The following MAGI1 variants were observed in gnomAD, a reference collection of about 807,000 sequenced individuals.
MAGI1 encodes membrane-associated guanylate kinase, WW and PDZ domain-containing protein 1.
MAGI1 carries 58 observed loss-of-function variants against 139.9 expected under a neutral mutation model. That is an observed-to-expected ratio of 0.41 (90% CI 0.34 to 0.52). The LOEUF (loss-of-function observed/expected upper bound fraction) is 0.52. Ranked by LOEUF, MAGI1 falls within the 20% of genes least tolerant of loss-of-function variation. The probability of loss-of-function intolerance (pLI) is 0.12; values close to 1 mark genes in which losing one functional copy is unlikely to be tolerated. For synonymous variants in MAGI1, 812 were observed against 737.9 expected, an observed-to-expected ratio of 1.10 and a Z score of -1.63; for missense variants, 1,874 against 1,901.6, an observed-to-expected ratio of 0.99 and a Z score of 0.27.
intron 1 of MAGI1, chr3:65,687,392 C>G (rs2088146708): frequency 2.9e-6 from 1 of 348,598 alleles, no homozygotes; most frequent in Admixed American, 3.5e-5. Context: ...ACCACATATC[C>G]CGTTTGATTT....
chr3:65,590,193 T>C (rs752125252), intron 2 of MAGI1, among the ~76,000 whole-genome samples: 2 of 152,162 alleles, frequency 1.3e-5, no homozygotes, highest in Non-Finnish European at 2.9e-5. Flanking sequence ...CCCCAGCACC[T>C]TGACATACTT....
intron 2 of MAGI1, among the ~76,000 whole-genome samples, chr3:65,541,508 T>C (rs2079223725): frequency 6.6e-6 from 1 of 152,180 alleles, no homozygotes; most frequent in Admixed American, 6.5e-5. Flanking sequence ...TGAACATTGA[T>C]GCGAAATCCT....
Position 65,488,300 on chromosome 3 carries a change from C to T in MAGI1, c.550+5212G>A, listed in dbSNP as rs1434579019. On this transcript the variant is annotated intron_variant, in intron 3 of 22. Transcript: ENST00000402939. ...AAGCTTTCTATAAGCTTCTGGAGCGCTGTGTAGTTTCTCTCAAAACACTCA... is the reference window on the plus strand; with the variant it reads ...AAGCTTTCTATAAGCTTCTGGAGCGTTGTGTAGTTTCTCTCAAAACACTCA... 2.0e-5 allele frequency among the ~76,000 whole-genome samples: 3 copies of T among 152,150 alleles called. No homozygotes were observed. In the East Asian group the frequency reaches 5.8e-4, roughly 29 times the overall value.
intron 1 of MAGI1, among the ~76,000 whole-genome samples, chr3:65,645,130 A>G (rs2085191254): frequency 6.6e-6 from 1 of 152,088 alleles, no homozygotes; most frequent in Non-Finnish European, 1.5e-5. Flanking sequence ...AGAAAGAAAG[A>G]GTTAAACATT....
chr3:65,731,678 AAAG>A (rs2034213541), intron 1 of MAGI1, among the ~76,000 whole-genome samples: 1 of 149,784 alleles, frequency 6.7e-6, no homozygotes, highest in African/African-American at 2.5e-5. Context: ...AAAAAAAAAA[AAAG>A]AAAGAAAGAA....
At chr3:66,005,971 G>A (rs988598581) in intron 1 of MAGI1, among the ~76,000 whole-genome samples, 1 of 152,138 alleles carries the variant, frequency 6.6e-6, no homozygotes, top group Non-Finnish European at 1.5e-5. Flanking sequence ...TGGGCCTCGA[G>A]TCAGTCACTT....
chr3:65,617,395 T>G lies in MAGI1; in HGVS notation c.430+4577A>C, dbSNP rs1442165490. Among the ~76,000 whole-genome samples, 3 of 152,172 alleles carry G rather than the reference T, an allele frequency of 2.0e-5. No homozygotes were observed. In the East Asian group the frequency reaches 5.8e-4, roughly 29 times the overall value. On this transcript the variant is annotated intron_variant, in intron 2 of 22. Transcript: ENST00000402939. ...GTATCTCGTTTTGACAGCAGCAGTA[T>G]AGTAAATGACAAGCCCTGTCAGGTA...
intron 4 of MAGI1, among the ~76,000 whole-genome samples, chr3:65,471,366 C>G (rs9854047): frequency 0.28 from 43,185 of 152,064 alleles, 7,086 homozygotes; most frequent in African/African-American, 0.45. Context: ...GAATTTCTAT[C>G]TCCCACAGTA....
intron 2 of MAGI1, among the ~76,000 whole-genome samples, chr3:65,570,008 T>C (rs1006360747): frequency 4.0e-5 from 6 of 150,884 alleles, no homozygotes; most frequent in African/African-American, 1.5e-4. Context: ...TGAGAGGTAG[T>C]ATACTCTCTC....
intron 1 of MAGI1, among the ~76,000 whole-genome samples, chr3:65,957,284 T>C (rs1162654952): frequency 7.1e-6 from 1 of 140,586 alleles, no homozygotes; most frequent in Non-Finnish European, 1.5e-5. Context: ...GAGGCGTCGA[T>C]GGGTAGATCA....
intron 1 of MAGI1, among the ~76,000 whole-genome samples, chr3:65,885,514 A>C (rs761032361): frequency 1.4e-4 from 21 of 152,224 alleles, no homozygotes; most frequent in Non-Finnish European, 2.6e-4. Context: ...CCCCACTCAA[A>C]TCACATCTGG....
At chr3:65,655,337 GA>G (rs2085814039) in intron 1 of MAGI1, among the ~76,000 whole-genome samples, 1 of 151,972 alleles carries the variant, frequency 6.6e-6, no homozygotes, top group African/African-American at 2.4e-5. Flanking sequence ...TAATTAAAAG[GA>G]AAAAAATCTA....
At chr3:65,788,282 C>G (rs2039530157) in intron 1 of MAGI1, among the ~76,000 whole-genome samples, 1 of 152,238 alleles carries the variant, frequency 6.6e-6, no homozygotes. Flanking sequence ...CACACGCTTT[C>G]TCATCCCAAT....
chr3:65,749,080 G>A (rs1056176456), intron 1 of MAGI1, among the ~76,000 whole-genome samples: 1 of 152,084 alleles, frequency 6.6e-6, no homozygotes, highest in Non-Finnish European at 1.5e-5. Flanking sequence ...AGGAATAAGA[G>A]GAACACAGCA....
intron 2 of MAGI1, among the ~76,000 whole-genome samples, chr3:65,524,084 GAAAAGGA>G (rs1453520554): frequency 6.6e-6 from 1 of 152,028 alleles, no homozygotes; most frequent in Non-Finnish European, 1.5e-5. Flanking sequence ...AATGGGAAGA[GAAAAGGA>G]AAAAGGAAGA....
chr3:65,884,086 A>T (rs1341647772), intron 1 of MAGI1, among the ~76,000 whole-genome samples: 3 of 152,256 alleles, frequency 2.0e-5, no homozygotes, highest in Non-Finnish European at 4.4e-5. Flanking sequence ...GAATGAAAAG[A>T]GCAAGATAAA....
chr3:65,635,761 C>A (rs1196739856), intron 1 of MAGI1, among the ~76,000 whole-genome samples: 1 of 152,250 alleles, frequency 6.6e-6, no homozygotes, highest in Non-Finnish European at 1.5e-5. Context: ...CCCAGCCTCA[C>A]CCCAATTTAT....
intron 1 of MAGI1, among the ~76,000 whole-genome samples, chr3:65,811,460 A>T (rs1393078035): frequency 2.0e-5 from 3 of 152,266 alleles, no homozygotes; most frequent in African/African-American, 7.2e-5. Flanking sequence ...CCATATTTGG[A>T]CTGGGAATCC....
intron 1 of MAGI1, among the ~76,000 whole-genome samples, chr3:65,882,934 CAA>C (rs10574443): frequency 0.15 from 12,974 of 86,740 alleles, 1,311 homozygotes; most frequent in African/African-American, 0.34. Context: ...GACCCTGTCT[CAA>C]AAAAAAAAAA....
Sources: gnomAD v4.1 joint callset for allele counts (sites outside exome capture counted in the v4.1 genomes callset) on GRCh38, gnomAD v4.1.1 for gene constraint, MANE v1.5 for transcripts, NCBI Gene and HGNC (gene_info 2026-07-23, HGNC 2026-07-21) for gene names.